The following TMEM132D variants were observed in gnomAD, a reference collection of about 807,000 sequenced individuals.
TMEM132D encodes mature OL transmembrane protein.
A neutral mutation model predicts 62.3 loss-of-function variants in TMEM132D; 21 were observed. The ratio of observed to expected loss-of-function variants is 0.34; its 90% CI spans 0.24 to 0.49. The LOEUF (loss-of-function observed/expected upper bound fraction) is 0.49. Among genes scored for constraint, TMEM132D ranks in the 20% least tolerant of loss-of-function variants. TMEM132D has a pLI of 0.99. For synonymous variants in TMEM132D, 621 were observed against 575.6 expected, an observed-to-expected ratio of 1.08 and a Z score of -1.13; for missense variants, 1,346 against 1,402.8, an observed-to-expected ratio of 0.96 and a Z score of 0.65.
chr12:129,286,023 T>A (rs79639913), intron 4 of TMEM132D, among the ~76,000 whole-genome samples: 3,276 of 152,310 alleles, frequency 0.022, 40 homozygotes, highest in Non-Finnish European at 0.034. Flanking sequence ...TTCTTCTTGC[T>A]AACAAGAAAG....
intron 3 of TMEM132D, among the ~76,000 whole-genome samples, chr12:129,342,042 C>G: frequency 6.6e-6 from 1 of 152,150 alleles, no homozygotes; most frequent in Non-Finnish European, 1.5e-5. Flanking sequence ...ATCAAGCTAC[C>G]AATGACTTTC....
intron 2 of TMEM132D, among the ~76,000 whole-genome samples, chr12:129,554,473 C>T (rs943836360): frequency 6.6e-6 from 1 of 152,068 alleles, no homozygotes; most frequent in African/African-American, 2.4e-5. Context: ...AAAGGTGACC[C>T]TTGATTCCTG....
chr12:129,455,027 T>A (rs1473964049), intron 3 of TMEM132D, among the ~76,000 whole-genome samples: 1 of 152,222 alleles, frequency 6.6e-6, no homozygotes, highest in Non-Finnish European at 1.5e-5. Context: ...GGACCACATG[T>A]GGTACTTCTG....
chr12:129,310,518 C>T (rs1254341530), intron 4 of TMEM132D, among the ~76,000 whole-genome samples: 1 of 152,220 alleles, frequency 6.6e-6, no homozygotes, highest in Non-Finnish European at 1.5e-5. Flanking sequence ...TCCTCCCTCC[C>T]TCTGAGCTCC....
chr12:129,457,360 T>C (rs1465496633), intron 3 of TMEM132D, among the ~76,000 whole-genome samples: 1 of 145,934 alleles, frequency 6.9e-6, no homozygotes, highest in Non-Finnish European at 1.5e-5. Context: ...AAACACCGCA[T>C]GTTCTCACTC....
At position 129,903,158 on chromosome 12, in the gene TMEM132D, C is replaced by T. The variant is rs998185867; in HGVS notation, c.79+103G>A. ...GCACACAAGCGCGCACACACACTTG[C>T]ACACGAGCCCTCTCTCCCGGCCGCC... On this transcript the variant is annotated intron_variant, in intron 1 of 8. Transcript: ENST00000422113. The surrounding 1 kb of genome is among the most constrained non-coding windows in gnomAD (Gnocchi z 6.2). The T allele has an allele frequency of 8.2e-7, 1 of 1,226,434 alleles. No individual in the cohort carries two copies. The highest frequency in any genetic ancestry group is 1.9e-4 in the Middle Eastern group (1 of 5,238). 76.0% of individuals were successfully genotyped at this position (1,226,434 alleles called of 1,614,324 possible). A position where few individuals can be genotyped will look rare whatever the true frequency, so the allele number is the denominator to read the frequency against.
At chr12:129,495,141 AG>A (rs1402041958) in intron 3 of TMEM132D, among the ~76,000 whole-genome samples, 1 of 152,202 alleles carries the variant, frequency 6.6e-6, no homozygotes, top group African/African-American at 2.4e-5. Flanking sequence ...ACCTTTACAA[AG>A]GGGGCAGGAG....
intron 4 of TMEM132D, among the ~76,000 whole-genome samples, chr12:129,218,612 A>G (rs1299852885): frequency 6.6e-6 from 1 of 152,244 alleles, no homozygotes; most frequent in Non-Finnish European, 1.5e-5. Context: ...ATGTTGGTAT[A>G]TGGCACATAA....
At chr12:129,366,826 CG>C (rs1870429963) in intron 3 of TMEM132D, among the ~76,000 whole-genome samples, 1 of 152,008 alleles carries the variant, frequency 6.6e-6, no homozygotes, top group South Asian at 2.1e-4. Context: ...ACCTCTTTCT[CG>C]GGGAACCACA....
At chr12:129,191,292 GACACACACAC>G (rs56128227) in intron 5 of TMEM132D, among the ~76,000 whole-genome samples, 3 of 145,132 alleles carry the variant, frequency 2.1e-5, no homozygotes, top group South Asian at 2.3e-4. Flanking sequence ...AGGGAAATAG[GACACACACAC>G]ACACACACAC....
chr12:129,450,750 C>CT (rs869041495), intron 3 of TMEM132D, among the ~76,000 whole-genome samples: 27,175 of 101,718 alleles, frequency 0.27, 3,696 homozygotes, highest in Non-Finnish European at 0.3. Context: ...TCCATCGCTT[C>CT]TTTTTTTTTT....
chr12:129,171,059 C>T (rs184650031), intron 5 of TMEM132D, among the ~76,000 whole-genome samples: 1 of 152,252 alleles, frequency 6.6e-6, no homozygotes, highest in Admixed American at 6.5e-5. Context: ...TAGCATTTTA[C>T]CCACAGCAGA....
At chr12:129,104,322 G>T (rs911804647) in intron 5 of TMEM132D, among the ~76,000 whole-genome samples, 1 of 151,602 alleles carries the variant, frequency 6.6e-6, no homozygotes, top group Non-Finnish European at 1.5e-5. Context: ...ATGGTGCTGG[G>T]AAAACTGGCT....
intron 1 of TMEM132D, among the ~76,000 whole-genome samples, chr12:129,775,231 C>G (rs932011175): frequency 2.6e-5 from 4 of 152,168 alleles, no homozygotes; most frequent in Non-Finnish European, 4.4e-5. Flanking sequence ...CAAGGTATTC[C>G]TTCTCTTTCC....
At chr12:129,551,288 C>G (rs1245222360) in intron 2 of TMEM132D, among the ~76,000 whole-genome samples, 1 of 152,210 alleles carries the variant, frequency 6.6e-6, no homozygotes, top group Non-Finnish European at 1.5e-5. Context: ...AGTTTGTGTG[C>G]TTTGCTATGC....
Position 129,277,083 on chromosome 12 carries a change from C to T in TMEM132D, c.1299+60551G>A, listed in dbSNP as rs191788447. 4.7e-4 allele frequency among the ~76,000 whole-genome samples: 72 copies of T among 152,182 alleles called. No individual in the cohort carries two copies. The highest frequency in any genetic ancestry group is 2.1e-3 in the Admixed American group (32 of 15,260). ...GGCTTCCAAAGCCAGCATAAATGGACGAGCACAAAGGGGCTTAATAATATA... is the reference window on the plus strand; with the variant it reads ...GGCTTCCAAAGCCAGCATAAATGGATGAGCACAAAGGGGCTTAATAATATA... On this transcript the variant is annotated intron_variant, in intron 4 of 8. Coordinates refer to ENST00000422113, the MANE Select transcript of TMEM132D (RefSeq NM_133448.3). This position sits in a 1 kb window ranked among gnomAD's most constrained non-coding sequence, Gnocchi z 4.2.
In TMEM132D at chr12:129,381,676, CT is replaced by C. The variant is rs1870956829; in HGVS notation, c.1116-43860del. Reference sequence around the variant, plus strand: ...TCTGCACACTCCTTTGTATTTCTGACTTTTTTCTTTTCTTTTTCCTTTCCTT... The same window carrying C: ...TCTGCACACTCCTTTGTATTTCTGACTTTTTCTTTTCTTTTTCCTTTCCTT... On this transcript the variant is annotated intron_variant, in intron 3 of 8. Coordinates refer to ENST00000422113, the MANE Select transcript of TMEM132D (RefSeq NM_133448.3). Among the ~76,000 whole-genome samples the C allele has an allele frequency of 2.0e-5, 3 of 147,558 alleles. No individual in the cohort carries two copies. In the South Asian group the frequency reaches 6.5e-4, roughly 32 times the overall value.
intron 1 of TMEM132D, among the ~76,000 whole-genome samples, chr12:129,846,257 T>C (rs974051129): frequency 3.3e-5 from 5 of 152,258 alleles, no homozygotes; most frequent in African/African-American, 1.2e-4. Flanking sequence ...CATTCATTCC[T>C]GCATTTGCAT....
intron 3 of TMEM132D, among the ~76,000 whole-genome samples, chr12:129,415,026 C>T (rs1872074565): frequency 6.6e-6 from 1 of 152,176 alleles, no homozygotes; most frequent in South Asian, 2.1e-4. Context: ...AATAAAATTC[C>T]ATCACATGTG....
Sources: allele counts gnomAD v4.1 joint callset (sites outside exome capture counted in the v4.1 genomes callset), GRCh38; gene constraint gnomAD v4.1.1; non-coding constraint Gnocchi (gnomAD v3.1); transcripts MANE v1.5; gene names NCBI Gene and HGNC (gene_info 2026-07-23, HGNC 2026-07-21).